Variants in AMY2B observed in about 807,000 individuals in gnomAD.
The protein encoded by AMY2B is alpha-amylase 2B.
Under a neutral mutation model 59.3 loss-of-function variants are expected in AMY2B, and 63 were observed. The ratio of observed to expected loss-of-function variants is 1.06; its 90% confidence interval spans 0.87 to 1.31. AMY2B has a LOEUF of 1.31. Ranked by LOEUF, AMY2B falls within the 50% of genes most tolerant of loss-of-function variation. The pLI, the probability that AMY2B is intolerant of heterozygous loss-of-function variation, is 0.00. For missense variants in AMY2B, 635 were observed against 626.7 expected (o/e 1.01, Z -0.14); for synonymous variants, 180 against 198.1 (o/e 0.91, Z 0.77).
Position 103,575,334 on chromosome 1 carries a change from C to T in AMY2B, c.990C>T (p.Phe330=). Reference sequence around the variant, plus strand: ...CTGGAGGAGCCTCTATTCTTACCTTCTGGGATGCTAGGTAGAAAACCAAGT... The same window carrying T: ...CTGGAGGAGCCTCTATTCTTACCTTTTGGGATGCTAGGTAGAAAACCAAGT... ...HGAGGASILT[F]WDARLYKMAV... The change falls in exon 6 of 10, where the codon TTC becomes TTT. Residue 330 remains phenylalanine (F), a synonymous_variant. Transcript: ENST00000684275. 1 of 1,613,522 alleles carries T rather than the reference C, an allele frequency of 6.2e-7. No homozygotes were observed. Among genetic ancestry groups the T allele is most frequent in the South Asian group, 1.1e-5 (1 of 91,036 alleles).
Position 103,575,232 on chromosome 1 carries a change from A to G in AMY2B, c.888A>G (p.Gly296=), listed in dbSNP as rs1652302603. The G allele has an allele frequency of 6.2e-7, 1 of 1,613,444 alleles. No individual in the cohort carries two copies. Among genetic ancestry groups the G allele is most frequent in the African/African-American group, 1.3e-5 (1 of 74,884 alleles). ...GEKMSYLKNW[G]EGWGFMPSDR... Reference sequence around the variant, plus strand: ...TATTTTTCAAAAATAGGAACTGGGGAGAAGGTTGGGGTTTCATGCCTTCTG... The same window carrying G: ...TATTTTTCAAAAATAGGAACTGGGGGGAAGGTTGGGGTTTCATGCCTTCTG... The change falls in exon 6 of 10, where the codon GGA becomes GGG. Residue 296 remains glycine (G), a synonymous_variant. Coordinates refer to ENST00000684275, the MANE Select transcript of AMY2B (RefSeq NM_001387437.1).
chr1:103,558,763 A>G (rs1321387073), intron 1 of AMY2B, among the ~76,000 whole-genome samples: 2 of 124,624 alleles, frequency 1.6e-5, no homozygotes, highest in Non-Finnish European at 3.4e-5. Flanking sequence ...ACCCCAACTG[A>G]AAAAAAAAAA....
chr1:103,577,850 G>A lies in AMY2B; in HGVS notation c.1346+5G>A, dbSNP rs1179723161. On this transcript the variant is annotated splice_donor_5th_base_variant and intron_variant, in intron 9 of 9. Coordinates refer to ENST00000684275, the MANE Select transcript of AMY2B (RefSeq NM_001387437.1). ...TGTTTTCAACAATGATGACTGGTAA[G>A]TACATATCAATTAAAAATAATATTT... 1.2e-6 allele frequency: 2 copies of A among 1,600,912 alleles called. No homozygotes were observed. The highest frequency in any genetic ancestry group is 3.3e-5 in the Admixed American group (2 of 59,906).
chr1:103,567,129 A>G (rs147664931), upstream of AMY2B, among the ~76,000 whole-genome samples: 8 of 152,266 alleles, frequency 5.3e-5, no homozygotes, highest in East Asian at 1.5e-3. Context: ...GGAGCTAACT[A>G]TGCTTGAGAA....
In AMY2B at chr1:103,575,293, C is replaced by T; in HGVS notation, c.949C>T (p.Gln317Ter). Residue 317 changes from glutamine (Q) to a stop codon, truncating the protein, a stop_gained, in exon 6 of 10, where the codon CAA (glutamine) becomes TAA (stop). Transcript: ENST00000684275. LOFTEE classifies it high-confidence loss of function. Reference protein sequence around the residue: ...ALVFVDNHDNQRGHGAGGASI... With the variant: ...ALVFVDNHDN ...TGTCTTTGTGGATAACCATGACAAT[C>T]AACGAGGACATGGGGCTGGAGGAGC... is the stretch of plus-strand genomic sequence containing the variant. The T allele has an allele frequency of 6.2e-7, 1 of 1,613,632 alleles. No homozygotes were observed. The highest frequency in any genetic ancestry group is 8.5e-7 in the Non-Finnish European group (1 of 1,179,688).
At chr1:103,570,162 C>T (rs759439183), upstream of AMY2B, 12 of 462,010 alleles carry the variant, frequency 2.6e-5, no homozygotes, top group South Asian at 1.0e-4. Flanking sequence ...GCACCACTGC[C>T]GAGCGGGAGA....
chr1:103,573,822 A>G lies in AMY2B; in HGVS notation c.628A>G (p.Arg210Gly). The change falls in exon 4 of 10, where the codon AGA (arginine) becomes GGA (glycine). Residue 210 changes from arginine to glycine, a missense_variant. Coordinates refer to ENST00000684275, the MANE Select transcript of AMY2B (RefSeq NM_001387437.1). ...CATTGACATTGGTGTTGCAGGGTTC[A>G]GACTTGATGCTTCCAAGCACATGTG... The part of the protein sequence containing the change: ...HLIDIGVAGF[R>G]LDASKHMWPG... 3.1e-6 allele frequency: 5 copies of G among 1,613,908 alleles called. No homozygotes were observed. Among genetic ancestry groups the G allele is most frequent in the Non-Finnish European group, 4.2e-6 (5 of 1,179,788 alleles).
At chr1:103,568,690 G>A (rs547436650), upstream of AMY2B, 18 of 151,420 alleles carry the variant, frequency 1.2e-4, no homozygotes, top group Admixed American at 2.0e-4. Flanking sequence ...TATTAGTGAC[G>A]GATATCACAA....
upstream of AMY2B, among the ~76,000 whole-genome samples, chr1:103,566,783 T>C (rs1015528360): frequency 4.6e-5 from 7 of 152,316 alleles, no homozygotes; most frequent in African/African-American, 1.4e-4. Flanking sequence ...TTCCAACATG[T>C]GTACAACACT....
rs1652194572 is a variant in AMY2B, at chr1:103,572,969, G to C, written c.316-94G>C. The C allele has an allele frequency of 1.9e-6, 3 of 1,596,964 alleles. No homozygotes were observed. In the East Asian group the frequency reaches 6.7e-5, roughly 36 times the overall value. ...GTTATAAGATATCATGAAATATTTT[G>C]GAGTTTTATTAACATACTATAAACT... On this transcript the variant is annotated intron_variant, in intron 2 of 9. Transcript: ENST00000684275.
At chr1:103,576,194 TTAAAC>T (rs1381818754) in intron 7 of AMY2B, among the ~76,000 whole-genome samples, 3 of 152,156 alleles carry the variant, frequency 2.0e-5, no homozygotes, top group Non-Finnish European at 2.9e-5. Flanking sequence ...AAGGTTTTCT[TTAAAC>T]TAAAGGGTTC....
At chr1:103,567,908 T>C (rs988749568), upstream of AMY2B, among the ~76,000 whole-genome samples, 2 of 152,332 alleles carry the variant, frequency 1.3e-5, no homozygotes, top group African/African-American at 2.4e-5. Context: ...CTGTTGCTCT[T>C]TCTCTGATCT....
At chr1:103,574,011 T>C in intron 4 of AMY2B, 73 bp downstream of exon 4, 1 of 1,610,032 alleles carries the variant, frequency 6.2e-7, no homozygotes, top group Non-Finnish European at 8.5e-7. Context: ...TAATTAAAAA[T>C]GCAATTTCTA....
intron 1 of AMY2B, among the ~76,000 whole-genome samples, chr1:103,555,569 A>C (rs1651522211): frequency 6.6e-6 from 1 of 152,148 alleles, no homozygotes; most frequent in Non-Finnish European, 1.5e-5. Context: ...CGTCACTCAA[A>C]GGTGAAAATA....
chr1:103,572,759 C>T (rs1328866416), intron 2 of AMY2B, among the ~76,000 whole-genome samples: 1 of 152,130 alleles, frequency 6.6e-6, no homozygotes, highest in Non-Finnish European at 1.5e-5. Context: ...AAACAGTAAC[C>T]TTTCCAGTCT....
chr1:103,558,643 A>T (rs1383760096), intron 1 of AMY2B, among the ~76,000 whole-genome samples: 4 of 152,050 alleles, frequency 2.6e-5, no homozygotes, highest in African/African-American at 9.7e-5. Context: ...CATGCTTGTA[A>T]TCCCAACAAC....
intron 5 of AMY2B, 48 bp from the exon 6 acceptor site, chr1:103,575,175 A>T: frequency 6.2e-7 from 1 of 1,610,634 alleles, no homozygotes; most frequent in South Asian, 1.1e-5. Flanking sequence ...TTACTCGCAA[A>T]CTATTGTGAA....
chr1:103,566,884 T>C (rs928610627), upstream of AMY2B, among the ~76,000 whole-genome samples: 1 of 152,196 alleles, frequency 6.6e-6, no homozygotes, highest in Non-Finnish European at 1.5e-5. Context: ...ACCCATGTTA[T>C]GCCAATGTTT....
rs200461293 is a variant in AMY2B at position 103,573,805 on chromosome 1, T to A, written c.611T>A (p.Ile204Asn). 53 of 1,613,714 alleles carry A rather than the reference T, an allele frequency of 3.3e-5. No individual in the cohort carries two copies. Among genetic ancestry groups the A allele is most frequent in the Non-Finnish European group, 4.3e-5 (51 of 1,179,790 alleles). Residue 204 changes from isoleucine (I) to asparagine (N), a missense_variant, in exon 4 of 10, where the codon ATT (isoleucine) becomes AAT (asparagine). Physicochemically the swap from Ile to Asn is moderately radical, Grantham distance 149 (BLOSUM62 -3). Coordinates refer to ENST00000684275, the MANE Select transcript of AMY2B (RefSeq NM_001387437.1). ...IAEYMNHLID[I>N]GVAGFRLDAS... ...GAATATATGAATCATCTCATTGACA[T>A]TGGTGTTGCAGGGTTCAGACTTGAT...
Sources: allele counts gnomAD v4.1 joint callset (sites outside exome capture counted in the v4.1 genomes callset), GRCh38; gene constraint gnomAD v4.1.1; transcripts MANE v1.5; gene names NCBI Gene and HGNC (gene_info 2026-07-23, HGNC 2026-07-21).